The following ZFHX3 variants were observed in gnomAD, a reference collection of about 807,000 sequenced individuals.
The protein encoded by ZFHX3 is zinc finger homeobox 3.
In ZFHX3, 42 loss-of-function variants were observed where a neutral mutation model predicts 279.1. That is an observed-to-expected ratio of 0.15 (90% confidence interval 0.12 to 0.19). The LOEUF (loss-of-function observed/expected upper bound fraction) is 0.19. Among genes scored for constraint, ZFHX3 ranks in the 10% least tolerant of loss-of-function variants. ZFHX3 has a pLI of 1.00. For synonymous variants in ZFHX3, 2,293 were observed against 1,957.8 expected, an observed-to-expected ratio of 1.17 and a Z score of -4.52; for missense variants, 4,981 against 4,754.0, an observed-to-expected ratio of 1.05 and a Z score of -1.40.
chr16:73,145,498 G>T (rs1412135465), intron 5 of ZFHX3, among the ~76,000 whole-genome samples: 1 of 152,266 alleles, frequency 6.6e-6, no homozygotes, highest in Non-Finnish European at 1.5e-5. Context: ...AGTCTCAGAG[G>T]TGATGGAAGT....
intron 3 of ZFHX3, among the ~76,000 whole-genome samples, chr16:72,899,956 C>G (rs1173675766): frequency 6.6e-6 from 1 of 152,116 alleles, no homozygotes; most frequent in African/African-American, 2.4e-5. Context: ...CCTCCCCAGG[C>G]TCCAAAAGGC....
chr16:72,835,594 A>G (rs1159080433), intron 4 of ZFHX3, among the ~76,000 whole-genome samples: 1 of 152,040 alleles, frequency 6.6e-6, no homozygotes, highest in Non-Finnish European at 1.5e-5. Flanking sequence ...TAATTAACCC[A>G]AGGACGACCA....
intron 3 of ZFHX3, among the ~76,000 whole-genome samples, chr16:72,931,263 C>T (rs1160139039): frequency 1.3e-5 from 2 of 152,178 alleles, no homozygotes; most frequent in Non-Finnish European, 2.9e-5. Flanking sequence ...TTCTGTTGCA[C>T]ATACTTCGCA....
intron 2 of ZFHX3, among the ~76,000 whole-genome samples, chr16:73,594,210 T>C (rs1014247922): frequency 2.6e-5 from 4 of 152,214 alleles, no homozygotes; most frequent in African/African-American, 9.6e-5. Context: ...TATATTTTTA[T>C]AATTAAATTG....
chr16:73,180,555 CTG>C (rs1261751384), intron 5 of ZFHX3, among the ~76,000 whole-genome samples: 2 of 152,320 alleles, frequency 1.3e-5, no homozygotes, highest in East Asian at 3.9e-4. Context: ...TGCCAATCCA[CTG>C]TGTTTACCCT....
intron 5 of ZFHX3, among the ~76,000 whole-genome samples, chr16:72,814,886 C>T (rs762082591): frequency 1.3e-5 from 2 of 152,164 alleles, no homozygotes; most frequent in Non-Finnish European, 2.9e-5. Context: ...ACCTGCAGCT[C>T]ACTGGCCCCT....
At position 73,373,446 on chromosome 16, in the gene ZFHX3, T is replaced by G. The variant is rs755851587; in HGVS notation, c.-1290-55110A>C. Among the ~76,000 whole-genome samples the G allele has an allele frequency of 2.4e-4, 36 of 152,152 alleles. 1 individual carries two copies. The highest frequency in any genetic ancestry group is 4.1e-4 in the Non-Finnish European group (28 of 68,032). ...AATATGGAAGAGCCTCTTAATACTG[T>G]CCTGTCCATGAGAGATTCCTTCAGG... is the stretch of plus-strand genomic sequence containing the variant. On this transcript the variant is annotated intron_variant, in intron 3 of 17. Transcript: ENST00000641206.
At chr16:73,390,043 G>C (rs1213092782) in intron 3 of ZFHX3, among the ~76,000 whole-genome samples, 1 of 152,176 alleles carries the variant, frequency 6.6e-6, no homozygotes, top group Non-Finnish European at 1.5e-5. Flanking sequence ...CTGGGTGACA[G>C]AGCGAGACTC....
At chr16:72,877,435 G>T (rs1054831444) in intron 4 of ZFHX3, among the ~76,000 whole-genome samples, 1 of 152,078 alleles carries the variant, frequency 6.6e-6, no homozygotes, top group Non-Finnish European at 1.5e-5. Flanking sequence ...TAAACATCAC[G>T]GTCTTCTGTA....
At chr16:73,182,086 T>C (rs1967809416) in intron 5 of ZFHX3, among the ~76,000 whole-genome samples, 1 of 152,232 alleles carries the variant, frequency 6.6e-6, no homozygotes, top group African/African-American at 2.4e-5. Flanking sequence ...CAGAATCTTC[T>C]GACCTTTTCC....
intron 1 of ZFHX3, among the ~76,000 whole-genome samples, chr16:73,783,824 T>A (rs921174324): frequency 1.3e-5 from 2 of 152,192 alleles, no homozygotes; most frequent in African/African-American, 4.8e-5. Flanking sequence ...CTGCTCAAGG[T>A]CATACAGCTA....
chr16:73,607,248 C>T (rs1259361384), intron 2 of ZFHX3, among the ~76,000 whole-genome samples: 4 of 152,094 alleles, frequency 2.6e-5, no homozygotes, highest in Admixed American at 6.5e-5. Flanking sequence ...AGGCTGGTCT[C>T]GAACTCCTGA....
At chr16:73,383,055 G>C (rs144090046) in intron 3 of ZFHX3, among the ~76,000 whole-genome samples, 3 of 152,338 alleles carry the variant, frequency 2.0e-5, no homozygotes, top group African/African-American at 4.8e-5. Flanking sequence ...GGAGATGACA[G>C]AGCACATGCT....
intron 4 of ZFHX3, among the ~76,000 whole-genome samples, chr16:72,841,046 G>C (rs375262151): frequency 6.6e-6 from 1 of 152,170 alleles, no homozygotes; most frequent in Non-Finnish European, 1.5e-5. Context: ...TGCTAGAAAC[G>C]TGTGAACACC....
intron 1 of ZFHX3, among the ~76,000 whole-genome samples, chr16:73,785,672 T>G (rs1959621561): frequency 6.6e-6 from 1 of 152,094 alleles, no homozygotes; most frequent in African/African-American, 2.4e-5. Context: ...AGCAACACTT[T>G]GGCTGGGCAT....
chr16:72,859,516 G>A (rs977745324), intron 4 of ZFHX3, among the ~76,000 whole-genome samples: 1 of 152,162 alleles, frequency 6.6e-6, no homozygotes. Context: ...TCCCAACTTG[G>A]ACATGTGGAA....
intron 1 of ZFHX3, among the ~76,000 whole-genome samples, chr16:73,042,831 ATCCATACAT>A (rs1965165441): frequency 6.6e-6 from 1 of 151,980 alleles, no homozygotes; most frequent in African/African-American, 2.4e-5. Flanking sequence ...ACTGAAGGTG[ATCCATACAT>A]TCCTAACTGC....
At chr16:73,744,124 T>C (rs2053683871) in intron 1 of ZFHX3, among the ~76,000 whole-genome samples, 2 of 152,236 alleles carry the variant, frequency 1.3e-5, no homozygotes, top group South Asian at 4.1e-4. Flanking sequence ...ACACTATTCA[T>C]TAGTATCTAA....
intron 4 of ZFHX3, among the ~76,000 whole-genome samples, chr16:73,312,890 C>CTA (rs2015358403): frequency 6.6e-6 from 1 of 152,218 alleles, no homozygotes. Context: ...GTTCAAAATG[C>CTA]TATGCCTCTA....
Sources: allele counts gnomAD v4.1 joint callset (sites outside exome capture counted in the v4.1 genomes callset), GRCh38; gene constraint gnomAD v4.1.1; transcripts MANE v1.5; gene names NCBI Gene and HGNC (gene_info 2026-07-23, HGNC 2026-07-21).